The following METTL9 variants were observed in gnomAD, a reference collection of about 807,000 sequenced individuals.
METTL9 encodes methyltransferase 9, His-X-His N1(pi)-histidine.
METTL9 carries 10 observed loss-of-function variants against 36.0 expected under a neutral mutation model. The ratio of observed to expected loss-of-function variants is 0.28; its 90% CI spans 0.17 to 0.47. The LOEUF (loss-of-function observed/expected upper bound fraction) is 0.47. Among genes scored for constraint, METTL9 ranks in the 20% least tolerant of loss-of-function variants. The probability of loss-of-function intolerance (pLI) is 0.99; values close to 1 mark genes in which losing one functional copy is unlikely to be tolerated. For synonymous variants in METTL9, 175 were observed against 149.7 expected, an observed-to-expected ratio of 1.17 and a Z score of -1.23; for missense variants, 246 against 383.5, an observed-to-expected ratio of 0.64 and a Z score of 3.00.
At chr16:21,598,946 T>G (rs1446342199), upstream of METTL9, among the ~76,000 whole-genome samples, 2 of 152,122 alleles carry the variant, frequency 1.3e-5, no homozygotes, top group Non-Finnish European at 2.9e-5. Context: ...CAGCAACTTC[T>G]CAGGCTTGGG....
intron 4 of METTL9, among the ~76,000 whole-genome samples, chr16:21,636,185 C>T (rs1000821842): frequency 1.3e-5 from 2 of 152,136 alleles, no homozygotes; most frequent in Admixed American, 6.5e-5. Context: ...TTTGTCCTCA[C>T]TTATATGAAT....
At chr16:21,643,122 A>G (rs765895866) in intron 4 of METTL9, 1 of 1,609,642 alleles carries the variant, frequency 6.2e-7, no homozygotes, top group South Asian at 1.1e-5. Flanking sequence ...GTTCTTGAGC[A>G]ATTTCCTGAA....
In METTL9 at chr16:21,655,765, C is replaced by A. The variant is rs545866436; in HGVS notation, c.*333C>A. On this transcript the variant is annotated 3_prime_UTR_variant, in exon 5 of 5. Coordinates refer to ENST00000358154, the MANE Select transcript of METTL9 (RefSeq NM_016025.5). ...CCAGACAAAGCAATAGTCACGACTT[C>A]ATGGAACCAATCAATGGATTGTTTT... is the stretch of plus-strand genomic sequence containing the variant. The A allele has an allele frequency of 1.4e-5, 3 of 216,790 alleles. No individual in the cohort carries two copies. The East Asian group carries it at 3.2e-4, about 23-fold the overall frequency. 13.4% of individuals were successfully genotyped at this position (216,790 alleles called of 1,614,324 possible). A position where few individuals can be genotyped will look rare whatever the true frequency, so the allele number is the denominator to read the frequency against.
In METTL9 at chr16:21,612,799, T is replaced by C; in HGVS notation, c.320T>C (p.Val107Ala). The C allele has an allele frequency of 6.2e-7, 1 of 1,610,134 alleles. No individual in the cohort carries two copies. The highest frequency in any genetic ancestry group is 8.5e-7 in the Non-Finnish European group (1 of 1,178,870). ...IQLYHSFVSS[V>A]FSLFMSRTSI... ...TTATATCATTCTTTTGTGTCATCTG[T>C]TTTTAGCCTGTTTATGTCTAGAACA... Residue 107 changes from valine to alanine, a missense_variant, in exon 2 of 5, where the codon GTT (valine) becomes GCT (alanine). Transcript: ENST00000358154.
Position 21,622,141 on chromosome 16 carries a change from C to CTT in METTL9, c.567-2770_567-2769dup, listed in dbSNP as rs541282506. On this transcript the variant is annotated intron_variant, in intron 3 of 4. Transcript: ENST00000358154. ...ATAGGTGTGAGCCACCATGCCTGGC[C>CTT]TTTTTTTTTTTTTTTTTTTTTGAGA... Among the ~76,000 whole-genome samples, 167 of 34,918 alleles carry CTT rather than the reference C, an allele frequency of 4.8e-3. 31 individuals carry two copies. The highest frequency in any genetic ancestry group is 0.011 in the African/African-American group (64 of 5,642). 22.9% of individuals were successfully genotyped at this position (34,918 alleles called of 152,430 possible). A position where few individuals can be genotyped will look rare whatever the true frequency, so the allele number is the denominator to read the frequency against.
At chr16:21,633,930 C>A (rs1441560789) in intron 4 of METTL9, among the ~76,000 whole-genome samples, 1 of 152,112 alleles carries the variant, frequency 6.6e-6, no homozygotes, top group Admixed American at 6.6e-5. Context: ...GCCCAGACTT[C>A]AGGGCTGATT....
intron 4 of METTL9, among the ~76,000 whole-genome samples, chr16:21,634,004 C>G (rs1386246191): frequency 6.6e-6 from 1 of 152,122 alleles, no homozygotes; most frequent in Admixed American, 6.6e-5. Context: ...GATAATAGCT[C>G]CAGCTTTGGC....
chr16:21,646,701 C>G (rs1422336476), intron 4 of METTL9: 1 of 254,468 alleles, frequency 3.9e-6, no homozygotes, highest in East Asian at 9.9e-5. Context: ...GTTGCCCAGA[C>G]TGGAGTGCAG....
At chr16:21,645,207 C>CT (rs34677666) in intron 4 of METTL9, among the ~76,000 whole-genome samples, 2 of 152,178 alleles carry the variant, frequency 1.3e-5, no homozygotes, top group African/African-American at 4.8e-5. Context: ...AATCCCAGCA[C>CT]TTTGAGAGGC....
chr16:21,638,489 A>G (rs984469663), intron 4 of METTL9, among the ~76,000 whole-genome samples: 13 of 152,180 alleles, frequency 8.5e-5, no homozygotes, highest in Admixed American at 6.5e-4. Context: ...ACATTTTTCT[A>G]TAGAAACATT....
intron 4 of METTL9, among the ~76,000 whole-genome samples, chr16:21,629,873 C>T (rs543089474): frequency 5.9e-5 from 9 of 152,176 alleles, no homozygotes; most frequent in Admixed American, 1.3e-4. Context: ...TTTGACAGAG[C>T]GCTGATTGGT....
chr16:21,647,197 T>C, intron 4 of METTL9: 2 of 1,614,180 alleles, frequency 1.2e-6, no homozygotes, highest in South Asian at 2.2e-5. Context: ...CACTGGGGAA[T>C]GCTATTCCAC....
chr16:21,628,174 G>A (rs1206236917), intron 4 of METTL9, among the ~76,000 whole-genome samples: 2 of 152,152 alleles, frequency 1.3e-5, no homozygotes, highest in Non-Finnish European at 2.9e-5. Flanking sequence ...GTCTCCACAT[G>A]GTTGTCTACA....
chr16:21,652,705 C>T lies in METTL9; in HGVS notation c.752-2522C>T, dbSNP rs1216447474. ...AGAGAGGAACCTCTTATGAAGGAAC[C>T]ATAATCAGGAACTTTTTGAAATTGT... On this transcript the variant is annotated intron_variant, in intron 4 of 4. Coordinates refer to ENST00000358154, the MANE Select transcript of METTL9 (RefSeq NM_016025.5). 1.3e-5 allele frequency: 10 copies of T among 765,656 alleles called. No homozygotes were observed. The Admixed American group carries it at 1.9e-4, about 14-fold the overall frequency. 47.4% of individuals were successfully genotyped at this position (765,656 alleles called of 1,614,324 possible). A position where few individuals can be genotyped will look rare whatever the true frequency, so the allele number is the denominator to read the frequency against.
chr16:21,640,596 C>CAAAAAAAAAA (rs368761095), intron 4 of METTL9: 42 of 65,116 alleles, frequency 6.5e-4, no homozygotes, highest in African/African-American at 1.1e-3. Flanking sequence ...ACTAAAAATA[C>CAAAAAAAAAA]AAAAAAAAAA....
intron 3 of METTL9, among the ~76,000 whole-genome samples, chr16:21,619,083 G>A (rs1965627807): frequency 2.0e-5 from 3 of 152,172 alleles, no homozygotes; most frequent in South Asian, 4.1e-4. Flanking sequence ...TAGATATTTG[G>A]GTTGTTTCTA....
At chr16:21,631,335 CTT>C (rs1965955639) in intron 4 of METTL9, among the ~76,000 whole-genome samples, 1 of 152,090 alleles carries the variant, frequency 6.6e-6, no homozygotes, top group Non-Finnish European at 1.5e-5. Flanking sequence ...TTTTAGCAAA[CTT>C]TACTTTTGTT....
chr16:21,647,782 T>G (rs1406844576), intron 4 of METTL9, among the ~76,000 whole-genome samples: 2 of 152,100 alleles, frequency 1.3e-5, no homozygotes, highest in Non-Finnish European at 2.9e-5. Context: ...GGCACCGTAT[T>G]GGACTCAGAA....
chr16:21,637,168 T>C (rs1966120382), intron 4 of METTL9, among the ~76,000 whole-genome samples: 1 of 152,204 alleles, frequency 6.6e-6, no homozygotes, highest in African/African-American at 2.4e-5. Flanking sequence ...TATTCCCTTA[T>C]CTGGCCCCAC....
Sources: allele counts gnomAD v4.1 joint callset (sites outside exome capture counted in the v4.1 genomes callset), GRCh38; gene constraint gnomAD v4.1.1; transcripts MANE v1.5; gene names NCBI Gene and HGNC (gene_info 2026-07-23, HGNC 2026-07-21).